The following MSH3 variants were observed in gnomAD, a reference collection of about 807,000 sequenced individuals.
MSH3 encodes DNA mismatch repair protein Msh3.
MSH3 carries 106 observed loss-of-function variants against 123.3 expected under a neutral mutation model. The observed-to-expected ratio is 0.86, with a 90% CI of 0.73 to 1.01. The LOEUF is 1.01. MSH3 is among the 50% of genes least tolerant of loss of function. The pLI is 0.00. For synonymous variants in MSH3, 515 were observed against 481.4 expected (o/e 1.07, Z -0.91); for missense variants, 1,459 against 1,347.6 (o/e 1.08, Z -1.29).
chr5:80,701,392 G>T (rs1395059853), intron 8 of MSH3, among the ~76,000 whole-genome samples: 6 of 152,122 alleles, frequency 3.9e-5, no homozygotes, highest in Non-Finnish European at 8.8e-5. Context: ...GAAGTTACAG[G>T]ATCACTTAGG....
chr5:80,812,464 C>A (rs1262952693), intron 19 of MSH3, among the ~76,000 whole-genome samples: 1 of 152,090 alleles, frequency 6.6e-6, no homozygotes, highest in East Asian at 1.9e-4. Flanking sequence ...TTCTTTTTAG[C>A]CTCTCTTCAA....
At chr5:80,852,627 A>G (rs1169872917) in intron 20 of MSH3, among the ~76,000 whole-genome samples, 3 of 152,232 alleles carry the variant, frequency 2.0e-5, no homozygotes, top group Non-Finnish European at 2.9e-5. Flanking sequence ...AAATACCAGT[A>G]TTCGAACTTT....
chr5:80,800,359 C>A (rs1011792559), intron 19 of MSH3, among the ~76,000 whole-genome samples: 2 of 152,204 alleles, frequency 1.3e-5, no homozygotes, highest in Non-Finnish European at 2.9e-5. Context: ...GTCTGGTATT[C>A]CCAGTAGGCT....
At chr5:80,726,809 G>A (rs895037815) in intron 9 of MSH3, among the ~76,000 whole-genome samples, 8 of 152,098 alleles carry the variant, frequency 5.3e-5, no homozygotes, top group Non-Finnish European at 7.4e-5. Flanking sequence ...CAGTATTACC[G>A]AGAGGTCATC....
intron 21 of MSH3, among the ~76,000 whole-genome samples, chr5:80,859,490 C>T (rs561693427): frequency 2.8e-3 from 419 of 152,204 alleles, no homozygotes; most frequent in Admixed American, 4.3e-3. Flanking sequence ...AGACAACATA[C>T]AGTTAGGTCT....
At chr5:80,697,773 A>T (rs1003123350) in intron 8 of MSH3, among the ~76,000 whole-genome samples, 1 of 152,184 alleles carries the variant, frequency 6.6e-6, no homozygotes, top group Non-Finnish European at 1.5e-5. Flanking sequence ...AAGGACATTT[A>T]AGCTCTCTTA....
chr5:80,873,261 G>T lies in MSH3; in HGVS notation c.3276G>T (p.Glu1092Asp). 6.2e-7 allele frequency: 1 copy of T among 1,613,954 alleles called. No homozygotes were observed. Among genetic ancestry groups the T allele is most frequent in the African/African-American group, 1.3e-5 (1 of 75,040 alleles). Residue 1092 changes from glutamate (E) to aspartate (D), a missense_variant, in exon 23 of 24, where the codon GAG (glutamate) becomes GAT (aspartate). Physicochemically the swap from Glu to Asp is conservative, Grantham distance 45. Transcript: ENST00000265081. ...ILKKAAHKSK[E>D]LEGLINTKRK... ...AGAAAGCAGCTCACAAGTCAAAAGA[G>T]CTGGAAGGATTAATAAATACGAAAA...
chr5:80,804,827 G>A (rs568296548), intron 19 of MSH3, among the ~76,000 whole-genome samples: 2 of 152,300 alleles, frequency 1.3e-5, no homozygotes, highest in East Asian at 3.9e-4. Flanking sequence ...GTCAGCAGGT[G>A]GCAAATCCAG....
rs545059850 is a variant in MSH3 at position 80,816,951 on chromosome 5, A to G, written c.2813+3210A>G. On this transcript the variant is annotated intron_variant, in intron 20 of 23. Coordinates refer to ENST00000265081, the MANE Select transcript of MSH3 (RefSeq NM_002439.5). ...GGAGCTATCATATAGTAGGCAGTGG[A>G]TATAAAGTTTAGATTTCAGACAGAG... Among the ~76,000 whole-genome samples, 7 of 152,314 alleles carry G rather than the reference A, an allele frequency of 4.6e-5. No individual in the cohort carries two copies. The East Asian group carries it at 1.3e-3, about 29-fold the overall frequency.
chr5:80,691,886 C>T (rs970759356), intron 8 of MSH3, among the ~76,000 whole-genome samples: 2 of 134,476 alleles, frequency 1.5e-5, no homozygotes, highest in African/African-American at 2.8e-5. Context: ...TATAGATAAA[C>T]GTGTATATGT....
chr5:80,804,741 A>G (rs1744858705), intron 19 of MSH3, among the ~76,000 whole-genome samples: 1 of 152,168 alleles, frequency 6.6e-6, no homozygotes, highest in Non-Finnish European at 1.5e-5. Context: ...CCAGCAGAAT[A>G]CTGGGTCTTA....
At chr5:80,803,745 A>G (rs1744835614) in intron 19 of MSH3, among the ~76,000 whole-genome samples, 1 of 152,012 alleles carries the variant, frequency 6.6e-6, no homozygotes, top group Non-Finnish European at 1.5e-5. Context: ...TTTTGATTTG[A>G]TTTTTTTACA....
intron 20 of MSH3, among the ~76,000 whole-genome samples, chr5:80,852,062 A>T (rs27366): frequency 0.71 from 107,232 of 152,090 alleles, 37,803 homozygotes; most frequent in South Asian, 0.8. Flanking sequence ...ATGGTGGCTC[A>T]TGCCTGTAAT....
intron 19 of MSH3, among the ~76,000 whole-genome samples, chr5:80,802,896 A>G (rs1561483295): frequency 6.6e-6 from 1 of 152,198 alleles, no homozygotes; most frequent in Non-Finnish European, 1.5e-5. Context: ...GTTGCAAATG[A>G]CAGGATCTTA....
At chr5:80,687,299 T>C (rs1159625998) in intron 8 of MSH3, among the ~76,000 whole-genome samples, 2 of 152,230 alleles carry the variant, frequency 1.3e-5, no homozygotes, top group Non-Finnish European at 2.9e-5. Flanking sequence ...GAGCCCTTTA[T>C]CAATTGCAGT....
intron 12 of MSH3, among the ~76,000 whole-genome samples, chr5:80,758,565 C>T (rs911256200): frequency 2.0e-5 from 3 of 152,128 alleles, no homozygotes; most frequent in Non-Finnish European, 4.4e-5. Context: ...TGAGGTAGTC[C>T]TTAAAGAAGG....
intron 19 of MSH3, among the ~76,000 whole-genome samples, chr5:80,806,451 A>T (rs1744893191): frequency 6.6e-6 from 1 of 152,212 alleles, no homozygotes. Flanking sequence ...ATATCTTTCT[A>T]TATGGATAAT....
chr5:80,682,405 T>G (rs1477666417), intron 8 of MSH3, among the ~76,000 whole-genome samples: 2 of 146,258 alleles, frequency 1.4e-5, no homozygotes, highest in African/African-American at 2.5e-5. Context: ...TAAGAGGAAG[T>G]TTTTTTTTTT....
At chr5:80,810,607 T>C (rs1744993893) in intron 19 of MSH3, among the ~76,000 whole-genome samples, 1 of 152,186 alleles carries the variant, frequency 6.6e-6, no homozygotes, top group Admixed American at 6.5e-5. Flanking sequence ...CAAGGAACTG[T>C]ATACATGTCA....
Sources: allele counts gnomAD v4.1 joint callset (sites outside exome capture counted in the v4.1 genomes callset), GRCh38; gene constraint gnomAD v4.1.1; transcripts MANE v1.5; gene names NCBI Gene and HGNC (gene_info 2026-07-23, HGNC 2026-07-21).